SCN1A: variants seen among roughly 807,000 people sequenced by gnomAD.
SCN1A encodes the protein sodium voltage-gated channel alpha subunit 1, also known as sodium channel protein type 1 subunit alpha.
A neutral mutation model predicts 193.7 loss-of-function variants in SCN1A; 13 were observed. The observed-to-expected ratio is 0.07, with a 90% CI of 0.04 to 0.11. The LOEUF is 0.11. Among genes scored for constraint, SCN1A ranks in the 10% least tolerant of loss-of-function variants. The pLI, the probability that SCN1A is intolerant of heterozygous loss-of-function variation, is 1.00. For missense variants in SCN1A, 1,432 were observed against 2,451.1 expected, an observed-to-expected ratio of 0.58 and a Z score of 8.78; for synonymous variants, 781 against 843.6, an observed-to-expected ratio of 0.93 and a Z score of 1.29.
chr2:166,080,505 T>G (rs963666312), intron 2 of SCN1A, among the ~76,000 whole-genome samples: 5 of 151,746 alleles, frequency 3.3e-5, no homozygotes, highest in African/African-American at 1.2e-4. Context: ...CTGAAGGAAT[T>G]TTAAAAAATA....
chr2:166,114,499 G>C (rs1689635448), intron 2 of SCN1A, among the ~76,000 whole-genome samples: 1 of 152,148 alleles, frequency 6.6e-6, no homozygotes, highest in South Asian at 2.1e-4. Context: ...AGTGTTAATT[G>C]ACTATATCTT....
chr2:166,095,719 G>C (rs1361150476), intron 2 of SCN1A, among the ~76,000 whole-genome samples: 1 of 152,124 alleles, frequency 6.6e-6, no homozygotes, highest in East Asian at 1.9e-4. Flanking sequence ...AGTCTCACTT[G>C]CCTTGATGGG....
At chr2:165,999,676 C>A (rs759736543) in intron 25 of SCN1A, 47 bp downstream of exon 25, 1 of 1,276,536 alleles carries the variant, frequency 7.8e-7, no homozygotes, top group Non-Finnish European at 1.1e-6. Context: ...TTAATTTTAC[C>A]ACCTGATCAA....
chr2:166,144,937 C>T (rs1331756949), intron 1 of SCN1A, among the ~76,000 whole-genome samples: 2 of 151,026 alleles, frequency 1.3e-5, no homozygotes, highest in African/African-American at 2.4e-5. Context: ...CTGCAACCTC[C>T]GCCTCCCGGG....
chr2:166,013,048 T>C (rs1238937235), intron 21 of SCN1A, among the ~76,000 whole-genome samples: 1 of 151,494 alleles, frequency 6.6e-6, no homozygotes, highest in African/African-American at 2.4e-5. Context: ...TCTGTTTCTC[T>C]CTCTTTCTTT....
At chr2:166,122,817 G>T (rs1166856574) in intron 2 of SCN1A, among the ~76,000 whole-genome samples, 1 of 152,102 alleles carries the variant, frequency 6.6e-6, no homozygotes, top group Non-Finnish European at 1.5e-5. Context: ...CTCAGATTAG[G>T]CAACGGTTTC....
chr2:166,118,062 T>C (rs188114224), intron 2 of SCN1A, among the ~76,000 whole-genome samples: 54 of 151,328 alleles, frequency 3.6e-4, no homozygotes, highest in African/African-American at 1.3e-3. Context: ...TTTTTTTATA[T>C]GTTACTGAAT....
At chr2:166,102,713 A>G (rs1484475768) in intron 2 of SCN1A, among the ~76,000 whole-genome samples, 3 of 152,094 alleles carry the variant, frequency 2.0e-5, no homozygotes, top group Admixed American at 6.6e-5. Context: ...TATCCAAAGG[A>G]CTATAAATCA....
chr2:166,062,849 A>C (rs1683454657), intron 4 of SCN1A, among the ~76,000 whole-genome samples: 1 of 144,098 alleles, frequency 6.9e-6, no homozygotes, highest in Admixed American at 7.1e-5. Context: ...CATCCTTTAA[A>C]TCTAATTAGT....
At chr2:166,117,408 G>A (rs567767466) in intron 2 of SCN1A, among the ~76,000 whole-genome samples, 2 of 152,088 alleles carry the variant, frequency 1.3e-5, no homozygotes, top group Non-Finnish European at 2.9e-5. Context: ...TTTCGTCAAA[G>A]ACATTCTTTT....
At chr2:166,051,116 C>T (rs1401958833) in intron 9 of SCN1A, among the ~76,000 whole-genome samples, 1 of 151,914 alleles carries the variant, frequency 6.6e-6, no homozygotes, top group East Asian at 1.9e-4. Flanking sequence ...GTATAGCAAC[C>T]AAGGATCCTA....
chr2:166,058,925 C>T (rs903952750), intron 4 of SCN1A, among the ~76,000 whole-genome samples: 10 of 152,082 alleles, frequency 6.6e-5, no homozygotes, highest in Admixed American at 3.3e-4. Context: ...TTTTATTGTA[C>T]ATAAGACAAT....
At chr2:166,146,870 T>C (rs899092503) in intron 1 of SCN1A, among the ~76,000 whole-genome samples, 6 of 152,206 alleles carry the variant, frequency 3.9e-5, no homozygotes, top group Admixed American at 1.3e-4. Context: ...AATAATTGCA[T>C]AAATCTTTAA....
intron 9 of SCN1A, among the ~76,000 whole-genome samples, chr2:166,051,298 C>T (rs1698527512): frequency 6.6e-6 from 1 of 151,654 alleles, no homozygotes; most frequent in African/African-American, 2.4e-5. Flanking sequence ...TATAAATAAT[C>T]TATTATTTAA....
At chr2:166,141,719 T>C (rs1692093007) in intron 1 of SCN1A, among the ~76,000 whole-genome samples, 2 of 141,904 alleles carry the variant, frequency 1.4e-5, no homozygotes, top group East Asian at 2.0e-4. Context: ...ATTTTCTTTC[T>C]TTCTTCCTTT....
At chr2:166,136,722 T>C (rs961877743) in intron 1 of SCN1A, among the ~76,000 whole-genome samples, 1 of 152,208 alleles carries the variant, frequency 6.6e-6, no homozygotes, top group Non-Finnish European at 1.5e-5. Flanking sequence ...AGATGGTTGA[T>C]GAGTGCCCAG....
chr2:166,027,602 A>T (rs1375187594), intron 19 of SCN1A, among the ~76,000 whole-genome samples: 7 of 150,986 alleles, frequency 4.6e-5, no homozygotes, highest in African/African-American at 1.2e-4. Context: ...GTACATATAT[A>T]TTTAATATAT....
chr2:166,110,244 A>G (rs1486453130), intron 2 of SCN1A, among the ~76,000 whole-genome samples: 1 of 152,124 alleles, frequency 6.6e-6, no homozygotes, highest in Non-Finnish European at 1.5e-5. Context: ...AATGTTTCTC[A>G]CTTTAAATTA....
Position 165,991,553 on chromosome 2 carries a change from T to C in SCN1A, c.5722A>G (p.Thr1908Ala), listed in dbSNP as rs1374438837. The C allele has an allele frequency of 2.5e-6, 4 of 1,613,948 alleles. No homozygotes were observed. The highest frequency in any genetic ancestry group is 3.4e-6 in the Non-Finnish European group (4 of 1,179,918). The change falls in exon 29 of 29, where the codon ACT (threonine) becomes GCT (alanine). Residue 1908 changes from threonine to alanine, a missense_variant. Thr to Ala is a moderately conservative substitution (Grantham distance 58). Coordinates refer to ENST00000674923, the MANE Select transcript of SCN1A (RefSeq NM_001165963.4). ...TCCTCTTGTTTTCGTTTTAAAGTAGTAGTGATTGGCTGATAGGAGACCTTG... is the reference window on the plus strand; with the variant it reads ...TCCTCTTGTTTTCGTTTTAAAGTAGCAGTGATTGGCTGATAGGAGACCTTG... ...PSKVSYQPIT[T>A]TLKRKQEEVS...
Sources: gnomAD v4.1 joint callset for allele counts (sites outside exome capture counted in the v4.1 genomes callset) on GRCh38, gnomAD v4.1.1 for gene constraint, MANE v1.5 for transcripts, NCBI Gene and HGNC (gene_info 2026-07-23, HGNC 2026-07-21) for gene names.